The following ADCK1 variants were observed in gnomAD, a reference collection of about 807,000 sequenced individuals.
The protein encoded by ADCK1 is aarF domain containing kinase 1, also known as aarF domain-containing protein kinase 1.
In ADCK1, 41 loss-of-function variants were observed where a neutral mutation model predicts 52.3. That is an observed-to-expected ratio of 0.78 (90% CI 0.61 to 1.02). The LOEUF is 1.02. Ranked by LOEUF, ADCK1 falls within the 50% of genes least tolerant of loss-of-function variation. The pLI, the probability that ADCK1 is intolerant of heterozygous loss-of-function variation, is 0.00. For synonymous variants in ADCK1, 250 were observed against 274.6 expected (o/e 0.91, Z 0.89); for missense variants, 658 against 679.5 (o/e 0.97, Z 0.35).
chr14:77,891,689 C>A (rs755310977), intron 5 of ADCK1, among the ~76,000 whole-genome samples: 1 of 152,136 alleles, frequency 6.6e-6, no homozygotes, highest in Admixed American at 6.5e-5. Context: ...ACCTGAGACC[C>A]GCACTCATAC....
chr14:77,890,736 G>A (rs750049788), intron 5 of ADCK1, among the ~76,000 whole-genome samples: 9 of 152,168 alleles, frequency 5.9e-5, no homozygotes, highest in Non-Finnish European at 7.3e-5. Flanking sequence ...TGGCCTGATC[G>A]GGGTGAAAAA....
intron 4 of ADCK1, among the ~76,000 whole-genome samples, chr14:77,868,461 G>A (rs990962538): frequency 2.0e-5 from 3 of 152,152 alleles, no homozygotes; most frequent in Non-Finnish European, 2.9e-5. Context: ...AGTTTCCTGC[G>A]GACTTTGAGG....
At chr14:77,910,323 T>C (rs1339879442) in intron 7 of ADCK1, among the ~76,000 whole-genome samples, 1 of 152,074 alleles carries the variant, frequency 6.6e-6, no homozygotes, top group African/African-American at 2.4e-5. Flanking sequence ...AGGGAGCAAA[T>C]GTCTTTCCTG....
At chr14:77,890,000 T>A (rs147246075) in intron 5 of ADCK1, among the ~76,000 whole-genome samples, 1,615 of 151,562 alleles carry the variant, frequency 0.011, 18 homozygotes, top group Non-Finnish European at 0.016. Flanking sequence ...TAAGAAAGCA[T>A]GGTCAGAGAG....
intron 5 of ADCK1, among the ~76,000 whole-genome samples, chr14:77,889,497 A>C (rs550636165): frequency 6.6e-6 from 1 of 152,300 alleles, no homozygotes; most frequent in South Asian, 2.1e-4. Flanking sequence ...AACTTGCTCT[A>C]TGTTACTCCC....
intron 1 of ADCK1, among the ~76,000 whole-genome samples, chr14:77,808,054 G>A (rs774313880): frequency 3.9e-5 from 6 of 152,178 alleles, no homozygotes; most frequent in Admixed American, 6.5e-5. Flanking sequence ...AATAACAGAA[G>A]CCTTTCCTGA....
At position 77,809,761 on chromosome 14, in the gene ADCK1, G is replaced by A. The variant is rs370358484; in HGVS notation, c.-11-9207G>A. 2.0e-5 allele frequency among the ~76,000 whole-genome samples: 3 copies of A among 151,860 alleles called. No homozygotes were observed. The East Asian group carries it at 5.8e-4, about 30-fold the overall frequency. On this transcript the variant is annotated intron_variant, in intron 1 of 10. Transcript: ENST00000238561. ...TTTAAAATCACAAGAGAGGCTGGGT[G>A]TGGTGGTTCAGGCCTGTAATCCCAG...
chr14:77,901,891 A>G (rs1035639263), intron 6 of ADCK1, among the ~76,000 whole-genome samples: 1 of 151,946 alleles, frequency 6.6e-6, no homozygotes, highest in African/African-American at 2.4e-5. Context: ...TTAGCTTCCA[A>G]CTCTAGGATG....
chr14:77,864,577 G>A (rs948927809), intron 4 of ADCK1, among the ~76,000 whole-genome samples: 1 of 152,090 alleles, frequency 6.6e-6, no homozygotes. Context: ...GAGCTGGGCT[G>A]GATTTCATTC....
chr14:77,889,900 A>AAC (rs2083246302), intron 5 of ADCK1, among the ~76,000 whole-genome samples: 1 of 151,582 alleles, frequency 6.6e-6, no homozygotes, highest in African/African-American at 2.4e-5. Context: ...AAAAAAAAAA[A>AAC]AAAACAGAAG....
At chr14:77,880,291 T>C (rs1381217267) in intron 4 of ADCK1, among the ~76,000 whole-genome samples, 1 of 152,244 alleles carries the variant, frequency 6.6e-6, no homozygotes, top group Non-Finnish European at 1.5e-5. Flanking sequence ...GCAAGCATTG[T>C]GCCAGCCTCA....
chr14:77,809,703 G>C (rs117198580), intron 1 of ADCK1, among the ~76,000 whole-genome samples: 3,944 of 151,722 alleles, frequency 0.026, 75 homozygotes, highest in Middle Eastern at 0.051. Context: ...TAAGCTCTTT[G>C]ACTTTTGACT....
intron 9 of ADCK1, among the ~76,000 whole-genome samples, chr14:77,931,224 CA>C (rs540775687): frequency 3.3e-5 from 5 of 152,150 alleles, no homozygotes; most frequent in African/African-American, 1.2e-4. Context: ...AAATTGCGGC[CA>C]GTGAAAAAGC....
At chr14:77,839,662 G>A (rs974738454) in intron 3 of ADCK1, among the ~76,000 whole-genome samples, 3 of 152,120 alleles carry the variant, frequency 2.0e-5, no homozygotes, top group Non-Finnish European at 4.4e-5. Flanking sequence ...GGGGCCCGAT[G>A]TGGTGGCTGG....
chr14:77,856,159 G>C (rs61990735), intron 3 of ADCK1, among the ~76,000 whole-genome samples: 3 of 152,114 alleles, frequency 2.0e-5, no homozygotes, highest in Non-Finnish European at 2.9e-5. Flanking sequence ...ACAGTGAGCC[G>C]AGATCACGCC....
chr14:77,924,758 T>C lies in ADCK1; in HGVS notation c.1008+152T>C, dbSNP rs2084149122. ...GGAGCTGTCATTTTGTGCAAGTCAC[T>C]GTCACAGAGCTCTCAGAGCTTCAGC... On this transcript the variant is annotated intron_variant, in intron 8 of 10. Transcript: ENST00000238561. The C allele has an allele frequency of 3.5e-6, 4 of 1,136,762 alleles. No individual in the cohort carries two copies. The South Asian group carries it at 6.5e-5, about 18-fold the overall frequency. 70.4% of individuals were successfully genotyped at this position (1,136,762 alleles called of 1,614,324 possible).
Position 77,933,500 on chromosome 14 carries a change from A to G in ADCK1, c.*109A>G, listed in dbSNP as rs896423933. On this transcript the variant is annotated 3_prime_UTR_variant, in exon 11 of 11. Coordinates refer to ENST00000238561, the MANE Select transcript of ADCK1 (RefSeq NM_020421.4). ...GCCACATCGTGGCCCGCAGCCCCAG[A>G]GTCACTGTCCATGTCACCATCCTTC... 3 of 1,363,132 alleles carry G rather than the reference A, an allele frequency of 2.2e-6. No homozygotes were observed. The highest frequency in any genetic ancestry group is 2.9e-5 in the African/African-American group (2 of 69,846). The allele number at this position is 1,363,132 out of a possible 1,614,324, so 84.4% of individuals were successfully genotyped here. A position where few individuals can be genotyped will look rare whatever the true frequency, so the allele number is the denominator to read the frequency against.
At position 77,924,563 on chromosome 14, in the gene ADCK1, C is replaced by T. The variant is rs759314185; in HGVS notation, c.965C>T (p.Thr322Met). The T allele has an allele frequency of 2.3e-5, 37 of 1,613,884 alleles. No homozygotes were observed. Among genetic ancestry groups the T allele is most frequent in the Admixed American group, 1.7e-4 (10 of 60,032 alleles). ...GTACTGGTGCGGAAGCACCCCGGCA[C>T]GGGAAAGGCGGAGATTGTCCTGTTG... The part of the protein sequence containing the change: ...GNVLVRKHPG[T>M]GKAEIVLLDH... The change falls in exon 8 of 11, where the codon ACG (threonine) becomes ATG (methionine). Residue 322 changes from threonine (T) to methionine (M), a missense_variant. Transcript: ENST00000238561.
At chr14:77,855,483 A>G (rs910341321) in intron 3 of ADCK1, among the ~76,000 whole-genome samples, 13 of 152,240 alleles carry the variant, frequency 8.5e-5, no homozygotes, top group South Asian at 2.1e-4. Context: ...TAACTGCAGA[A>G]CTATCCCATG....
Sources: allele counts gnomAD v4.1 joint callset (sites outside exome capture counted in the v4.1 genomes callset), GRCh38; gene constraint gnomAD v4.1.1; transcripts MANE v1.5; gene names NCBI Gene and HGNC (gene_info 2026-07-23, HGNC 2026-07-21).